The following HECW1 variants were observed in gnomAD, a reference collection of about 807,000 sequenced individuals.
The protein encoded by HECW1 is E3 ubiquitin-protein ligase HECW1.
HECW1 carries 61 observed loss-of-function variants against 182.3 expected under a neutral mutation model. That is an observed-to-expected ratio of 0.33 (90% CI 0.27 to 0.41). The LOEUF (loss-of-function observed/expected upper bound fraction) is 0.41. Ranked by LOEUF, HECW1 falls within the 10% of genes least tolerant of loss-of-function variation. The probability of loss-of-function intolerance (pLI) is 1.00; values close to 1 mark genes in which losing one functional copy is unlikely to be tolerated. For missense variants in HECW1, 1,739 were observed against 2,108.9 expected (o/e 0.82, Z 3.44); for synonymous variants, 859 against 832.6 (o/e 1.03, Z -0.55).
At chr7:43,133,250 A>G (rs915522172) in intron 2 of HECW1, among the ~76,000 whole-genome samples, 3 of 151,882 alleles carry the variant, frequency 2.0e-5, no homozygotes, top group Admixed American at 6.6e-5. Context: ...ATATATACAC[A>G]TTTATATATA....
chr7:43,178,244 G>T (rs1228677116), intron 2 of HECW1, among the ~76,000 whole-genome samples: 1 of 152,142 alleles, frequency 6.6e-6, no homozygotes, highest in Non-Finnish European at 1.5e-5. Flanking sequence ...GAACTCAAAT[G>T]ATCTGCCCGT....
intron 18 of HECW1, 39 bp downstream of exon 18, chr7:43,492,219 T>C (rs1353826258): frequency 2.2e-6 from 3 of 1,349,984 alleles, no homozygotes; most frequent in South Asian, 1.3e-5. Context: ...GCTCAAAGAA[T>C]AGCAACACCT....
intron 11 of HECW1, among the ~76,000 whole-genome samples, chr7:43,449,896 T>C (rs2077177000): frequency 6.6e-6 from 1 of 152,244 alleles, no homozygotes; most frequent in South Asian, 2.1e-4. Context: ...GCCTGCCTTC[T>C]GCATGGCTGC....
chr7:43,209,903 T>A (rs1321324870), intron 2 of HECW1, among the ~76,000 whole-genome samples: 1 of 152,158 alleles, frequency 6.6e-6, no homozygotes, highest in East Asian at 1.9e-4. Flanking sequence ...CCGTGCCCAG[T>A]CCCACAGCAT....
At chr7:43,415,047 A>C (rs2075942398) in intron 8 of HECW1, among the ~76,000 whole-genome samples, 1 of 151,314 alleles carries the variant, frequency 6.6e-6, no homozygotes, top group South Asian at 2.1e-4. Context: ...TAATATTGTT[A>C]TGTGTGAATT....
At position 43,556,180 on chromosome 7, in the gene HECW1, T is replaced by C. The variant is rs139597211; in HGVS notation, c.4709+1390T>C. On this transcript the variant is annotated intron_variant, in intron 29 of 29. Transcript: ENST00000395891. ...TCCTAATCAAGTTGCCTAGAGAACA[T>C]GCCACTAAAAAACTGGCATTTAGGG... Among the ~76,000 whole-genome samples the C allele has an allele frequency of 5.0e-3, 764 of 152,156 alleles. 10 individuals are homozygous for C. The highest frequency in any genetic ancestry group is 0.017 in the African/African-American group (725 of 41,518).
intron 6 of HECW1, among the ~76,000 whole-genome samples, chr7:43,382,086 C>T (rs1562912623): frequency 6.6e-6 from 1 of 152,082 alleles, no homozygotes; most frequent in Admixed American, 6.5e-5. Context: ...GAGAGCGAAA[C>T]CATCCTGGCT....
intron 26 of HECW1, among the ~76,000 whole-genome samples, chr7:43,550,042 T>G (rs2081741204): frequency 6.6e-6 from 1 of 151,746 alleles, no homozygotes; most frequent in Admixed American, 6.6e-5. Context: ...ACTTTGGAGT[T>G]GGGAGGATCA....
intron 2 of HECW1, among the ~76,000 whole-genome samples, chr7:43,127,245 C>G (rs13244563): frequency 2.0e-5 from 3 of 152,050 alleles, no homozygotes; most frequent in Non-Finnish European, 4.4e-5. Flanking sequence ...AACAGCTGGC[C>G]GGGCAAGGTA....
chr7:43,255,486 A>G (rs2152729002), intron 3 of HECW1, among the ~76,000 whole-genome samples: 1 of 151,986 alleles, frequency 6.6e-6, no homozygotes, highest in South Asian at 2.1e-4. Flanking sequence ...AATCCCAGCT[A>G]CTCAGGAGGC....
At chr7:43,515,259 C>A (rs913929605) in intron 24 of HECW1, among the ~76,000 whole-genome samples, 4 of 151,972 alleles carry the variant, frequency 2.6e-5, no homozygotes, top group Non-Finnish European at 5.9e-5. Flanking sequence ...CATTCCCAGG[C>A]GTTTGGGTTT....
chr7:43,252,095 A>G lies in HECW1; in HGVS notation c.27+8163A>G, dbSNP rs572298738. The stretch of plus-strand genomic sequence containing the variant: ...ACACACAGAATATTTCCAAATGTGC[A>G]TCACTATCAGAACCATACACCTGCG... On this transcript the variant is annotated intron_variant, in intron 3 of 29. Coordinates refer to ENST00000395891, the MANE Select transcript of HECW1 (RefSeq NM_015052.5). Among the ~76,000 whole-genome samples, 26 of 152,304 alleles carry G rather than the reference A, an allele frequency of 1.7e-4. No homozygotes were observed. The South Asian group carries it at 5.4e-3, about 32-fold the overall frequency.
chr7:43,465,386 A>T (rs530918621), intron 14 of HECW1, among the ~76,000 whole-genome samples: 1 of 152,318 alleles, frequency 6.6e-6, no homozygotes, highest in East Asian at 1.9e-4. Flanking sequence ...GGAGTCGGCC[A>T]CAGGCTGACC....
chr7:43,415,302 G>A (rs994409857), intron 8 of HECW1, among the ~76,000 whole-genome samples: 2 of 144,714 alleles, frequency 1.4e-5, no homozygotes, highest in African/African-American at 5.2e-5. Flanking sequence ...TAGTTTGGCT[G>A]GATATGAAAT....
intron 8 of HECW1, among the ~76,000 whole-genome samples, chr7:43,410,994 ATT>A (rs2075782695): frequency 1.4e-5 from 2 of 147,986 alleles, no homozygotes; most frequent in Non-Finnish European, 3.0e-5. Flanking sequence ...TTTTCTATTT[ATT>A]TTTATATATG....
At chr7:43,209,284 T>C (rs1450213787) in intron 2 of HECW1, among the ~76,000 whole-genome samples, 1 of 152,080 alleles carries the variant, frequency 6.6e-6, no homozygotes, top group Admixed American at 6.6e-5. Context: ...TGCTCCCCTG[T>C]CCCCTGTTGC....
intron 3 of HECW1, 87 bp downstream of exon 3, chr7:43,244,019 A>G: frequency 9.1e-7 from 1 of 1,100,760 alleles, no homozygotes; most frequent in East Asian, 2.4e-5. Context: ...GCCTCAGCCT[A>G]GGGCCATTGC....
rs373341777 is a variant in HECW1 at position 43,442,560 on chromosome 7, A to G, written c.976A>G (p.Arg326Gly). ...GGTGGTCAGCTACACACTTGGCCGC[A>G]GGCTTCCAACAGATCATGTGAGTGG... is the stretch of plus-strand genomic sequence containing the variant. ...DRVVSYTLGR[R>G]LPTDHVSGQL... The change falls in exon 10 of 30, where the codon AGG (arginine) becomes GGG (glycine). Residue 326 changes from arginine (R) to glycine (G), a missense_variant. By Grantham distance (125) the Arg-to-Gly change is moderately radical. Transcript: ENST00000395891. 5.0e-6 allele frequency: 8 copies of G among 1,613,866 alleles called. No homozygotes were observed. Among genetic ancestry groups the G allele is most frequent in the Non-Finnish European group, 6.8e-6 (8 of 1,179,804 alleles).
intron 2 of HECW1, among the ~76,000 whole-genome samples, chr7:43,194,794 A>C (rs1370558352): frequency 6.6e-6 from 1 of 151,932 alleles, no homozygotes; most frequent in Non-Finnish European, 1.5e-5. Context: ...CCTGGGTTCA[A>C]GCAATTCTCC....
Sources: allele counts gnomAD v4.1 joint callset (sites outside exome capture counted in the v4.1 genomes callset), GRCh38; gene constraint gnomAD v4.1.1; transcripts MANE v1.5; gene names NCBI Gene and HGNC (gene_info 2026-07-23, HGNC 2026-07-21).